The following SLC71A2 variants were observed in gnomAD, a reference collection of about 807,000 sequenced individuals.
SLC71A2 encodes hippocampus abundant transcript-like 1.
At chr9:94,403,200 G>A in the SLC71A2 span, among the ~76,000 whole-genome samples, 1 of 152,016 alleles carries the variant, frequency 6.6e-6, no homozygotes, top group African/African-American at 2.4e-5. Context: ...GCAATGGCGC[G>A]ATCTCGGCTC....
At chr9:94,456,335 A>G in the SLC71A2 span, 1 of 1,613,086 alleles carries the variant, frequency 6.2e-7, no homozygotes, top group Non-Finnish European at 8.5e-7. Context: ...TCAGATCAGC[A>G]AGGTGAGGTC....
the SLC71A2 span, among the ~76,000 whole-genome samples, chr9:94,387,920 T>C: frequency 1.3e-5 from 2 of 152,234 alleles, no homozygotes; most frequent in Non-Finnish European, 2.9e-5. Flanking sequence ...GATAATGCGC[T>C]TCTTGGTAAT....
the SLC71A2 span, among the ~76,000 whole-genome samples, chr9:94,404,781 T>C: frequency 6.6e-6 from 1 of 152,226 alleles, no homozygotes; most frequent in African/African-American, 2.4e-5. Context: ...TGTGCCATTC[T>C]GTAGATTGCC....
chr9:94,438,666 A>G, the SLC71A2 span: 1 of 734,994 alleles, frequency 1.4e-6, no homozygotes, highest in Non-Finnish European at 2.3e-6. Context: ...GTAATACTGA[A>G]AACCAGTTTG....
the SLC71A2 span, among the ~76,000 whole-genome samples, chr9:94,412,244 G>A: frequency 6.6e-6 from 1 of 152,012 alleles, no homozygotes; most frequent in Admixed American, 6.6e-5. Context: ...CTTTTTATTG[G>A]GCTGTTAGTC....
At chr9:94,435,876 C>T in the SLC71A2 span, among the ~76,000 whole-genome samples, 1 of 152,034 alleles carries the variant, frequency 6.6e-6, no homozygotes, top group African/African-American at 2.4e-5. Flanking sequence ...GTCTTGAACT[C>T]CTGACCTCAG....
the SLC71A2 span, among the ~76,000 whole-genome samples, chr9:94,384,103 T>G: frequency 6.6e-6 from 1 of 152,184 alleles, no homozygotes; most frequent in African/African-American, 2.4e-5. Context: ...TTTCCAGAAC[T>G]ACTTCTTCTT....
At chr9:94,449,878 A>C in the SLC71A2 span, among the ~76,000 whole-genome samples, 1 of 152,276 alleles carries the variant, frequency 6.6e-6, no homozygotes, top group Admixed American at 6.5e-5. Flanking sequence ...TTAATTATTC[A>C]GCAGTAAAAA....
the SLC71A2 span, among the ~76,000 whole-genome samples, chr9:94,415,508 G>A: frequency 6.6e-6 from 1 of 151,920 alleles, no homozygotes; most frequent in South Asian, 2.1e-4. Context: ...CAAACGAACT[G>A]TATATGTTTA....
the SLC71A2 span, among the ~76,000 whole-genome samples, chr9:94,395,707 T>C: frequency 2.0e-5 from 3 of 152,220 alleles, no homozygotes; most frequent in Non-Finnish European, 1.5e-5. Context: ...TCTTCCCTTA[T>C]ATCTCATTGA....
chr9:94,389,666 G>A, the SLC71A2 span, among the ~76,000 whole-genome samples: 1 of 151,806 alleles, frequency 6.6e-6, no homozygotes, highest in Admixed American at 6.6e-5. Context: ...GAGTGCAGTG[G>A]TACGATAATG....
At chr9:94,450,994 C>G in the SLC71A2 span, among the ~76,000 whole-genome samples, 1 of 152,282 alleles carries the variant, frequency 6.6e-6, no homozygotes, top group East Asian at 1.9e-4. Flanking sequence ...CAGTGGTCTT[C>G]CAGCATCTCA....
chr9:94,453,963 C>G, the SLC71A2 span: 12 of 1,611,226 alleles, frequency 7.4e-6, no homozygotes, highest in Non-Finnish European at 1.0e-5. Flanking sequence ...TGCAGACGGC[C>G]TTTCTTAGCA....
the SLC71A2 span, among the ~76,000 whole-genome samples, chr9:94,447,211 C>G: frequency 1.3e-5 from 2 of 149,546 alleles, no homozygotes; most frequent in Non-Finnish European, 3.0e-5. Flanking sequence ...CGGAGTTTTG[C>G]TCTTGTCCAC....
At chr9:94,384,441 G>A in the SLC71A2 span, among the ~76,000 whole-genome samples, 1 of 151,704 alleles carries the variant, frequency 6.6e-6, no homozygotes, top group Non-Finnish European at 1.5e-5. Context: ...CCAGGCTCAG[G>A]CGATCCTCCC....
chr9:94,413,273 G>A, the SLC71A2 span, among the ~76,000 whole-genome samples: 2 of 152,174 alleles, frequency 1.3e-5, no homozygotes, highest in African/African-American at 2.4e-5. Flanking sequence ...TTCAAATAAG[G>A]TATGTAGATT....
At chr9:94,435,876 C>A in the SLC71A2 span, among the ~76,000 whole-genome samples, 1 of 152,034 alleles carries the variant, frequency 6.6e-6, no homozygotes, top group East Asian at 1.9e-4. Context: ...GTCTTGAACT[C>A]CTGACCTCAG....
chr9:94,456,040 C>A, the SLC71A2 span, among the ~76,000 whole-genome samples: 18 of 152,142 alleles, frequency 1.2e-4, no homozygotes, highest in Middle Eastern at 3.4e-3. Context: ...CCTTCTGTCC[C>A]CATCCTAGGC....
chr9:94,403,976 T>G, the SLC71A2 span, among the ~76,000 whole-genome samples: 1 of 152,282 alleles, frequency 6.6e-6, no homozygotes, highest in Non-Finnish European at 1.5e-5. Flanking sequence ...GGCTACACCA[T>G]TATCAATGGA....
Sources: allele counts gnomAD v4.1 joint callset (sites outside exome capture counted in the v4.1 genomes callset), GRCh38; gene constraint gnomAD v4.1.1; transcripts MANE v1.5; gene names NCBI Gene and HGNC (gene_info 2026-07-23, HGNC 2026-07-21).